The following HEMK2 variants were observed in gnomAD, a reference collection of about 807,000 sequenced individuals.
HEMK2 encodes the protein HemK methyltransferase 2, ETF1 glutamine and histone H4 lysine, also known as methyltransferase HEMK2.
chr21:28,811,260 AAGAAAGAAAG>A, the HEMK2 span, among the ~76,000 whole-genome samples: 13 of 150,686 alleles, frequency 8.6e-5, no homozygotes, highest in African/African-American at 2.9e-4. Flanking sequence ...GAAAGAAAGA[AAGAAAGAAAG>A]AGAAAGAAAG....
chr21:28,619,575 T>C, the HEMK2 span, among the ~76,000 whole-genome samples: 1 of 152,210 alleles, frequency 6.6e-6, no homozygotes, highest in Non-Finnish European at 1.5e-5. Flanking sequence ...CTCTTAGTCT[T>C]TTCTAGGCAT....
chr21:28,654,560 C>T, the HEMK2 span, among the ~76,000 whole-genome samples: 3 of 152,012 alleles, frequency 2.0e-5, no homozygotes, highest in Admixed American at 6.6e-5. Flanking sequence ...TGTTCTCTCC[C>T]GTGGAACTTG....
the HEMK2 span, among the ~76,000 whole-genome samples, chr21:28,690,963 T>G: frequency 6.6e-6 from 1 of 152,188 alleles, no homozygotes; most frequent in Non-Finnish European, 1.5e-5. Context: ...TCCTCTCTAT[T>G]TTCTGCAAAT....
the HEMK2 span, among the ~76,000 whole-genome samples, chr21:28,845,533 CTTCTT>C: frequency 6.6e-6 from 1 of 152,020 alleles, no homozygotes; most frequent in African/African-American, 2.4e-5. Flanking sequence ...TAATGCTTCT[CTTCTT>C]AAGTATTTCT....
At chr21:28,648,287 C>T in the HEMK2 span, among the ~76,000 whole-genome samples, 7 of 152,132 alleles carry the variant, frequency 4.6e-5, no homozygotes, top group Non-Finnish European at 7.4e-5. Flanking sequence ...TGGAAAAATC[C>T]TGAGAGTTAA....
the HEMK2 span, among the ~76,000 whole-genome samples, chr21:28,584,423 T>C: frequency 6.6e-6 from 1 of 152,200 alleles, no homozygotes; most frequent in Non-Finnish European, 1.5e-5. Context: ...TTGAGGAAGA[T>C]AAATAATTAA....
chr21:28,587,390 A>C, the HEMK2 span, among the ~76,000 whole-genome samples: 104,784 of 151,960 alleles, frequency 0.69, 36,466 homozygotes, highest in Middle Eastern at 0.74. Context: ...AATATAATAG[A>C]TTAATTGGTT....
the HEMK2 span, among the ~76,000 whole-genome samples, chr21:28,612,865 T>C: frequency 3.0e-4 from 46 of 152,154 alleles, no homozygotes; most frequent in African/African-American, 1.1e-3. Flanking sequence ...TACTTGGTAA[T>C]ATACTTAATC....
chr21:28,715,488 GTTAT>G, the HEMK2 span, among the ~76,000 whole-genome samples: 3 of 151,938 alleles, frequency 2.0e-5, no homozygotes, highest in Admixed American at 1.3e-4. Flanking sequence ...TTTTAATAGG[GTTAT>G]TTATTTTTTG....
At chr21:28,680,405 A>G in the HEMK2 span, among the ~76,000 whole-genome samples, 1 of 152,228 alleles carries the variant, frequency 6.6e-6, no homozygotes. Context: ...TGAGGCAATA[A>G]TTAATAGTTT....
chr21:28,880,497 C>T, the HEMK2 span, among the ~76,000 whole-genome samples: 5 of 152,036 alleles, frequency 3.3e-5, no homozygotes, highest in Admixed American at 6.6e-5. Context: ...TTTAGGAGGC[C>T]GAGGCGGGCG....
the HEMK2 span, among the ~76,000 whole-genome samples, chr21:28,658,519 C>T: frequency 6.6e-6 from 1 of 152,032 alleles, no homozygotes; most frequent in Non-Finnish European, 1.5e-5. Context: ...GTGCAATTGC[C>T]ATGTTGAAGA....
At chr21:28,879,534 T>G in the HEMK2 span, among the ~76,000 whole-genome samples, 1 of 152,228 alleles carries the variant, frequency 6.6e-6, no homozygotes, top group Non-Finnish European at 1.5e-5. Context: ...GCCATTGCAC[T>G]CGGCCAGTTA....
At chr21:28,718,573 G>T in the HEMK2 span, among the ~76,000 whole-genome samples, 1 of 151,608 alleles carries the variant, frequency 6.6e-6, no homozygotes, top group South Asian at 2.1e-4. Flanking sequence ...AGGTCTAGAA[G>T]TACTTGTTTT....
At chr21:28,748,046 T>A in the HEMK2 span, among the ~76,000 whole-genome samples, 1 of 152,214 alleles carries the variant, frequency 6.6e-6, no homozygotes, top group Non-Finnish European at 1.5e-5. Flanking sequence ...TTCACACTTC[T>A]AAGAGGGAGC....
chr21:28,734,535 G>A, the HEMK2 span, among the ~76,000 whole-genome samples: 1 of 152,152 alleles, frequency 6.6e-6, no homozygotes, highest in Non-Finnish European at 1.5e-5. Context: ...GTTTTTACAT[G>A]AAGTGTAAAA....
At chr21:28,664,233 A>G in the HEMK2 span, among the ~76,000 whole-genome samples, 1 of 152,220 alleles carries the variant, frequency 6.6e-6, no homozygotes, top group Non-Finnish European at 1.5e-5. Flanking sequence ...GCCACATGGA[A>G]TAGACACTTT....
chr21:28,746,134 G>A, the HEMK2 span, among the ~76,000 whole-genome samples: 9 of 151,978 alleles, frequency 5.9e-5, no homozygotes, highest in African/African-American at 1.5e-4. Context: ...CTGATAAAAC[G>A]TTTTGTTTTA....
the HEMK2 span, among the ~76,000 whole-genome samples, chr21:28,683,371 G>T: frequency 6.6e-6 from 1 of 152,132 alleles, no homozygotes; most frequent in African/African-American, 2.4e-5. Flanking sequence ...TGGTAACTGT[G>T]TGCACCCAGC....
Sources: gnomAD v4.1 joint callset for allele counts (sites outside exome capture counted in the v4.1 genomes callset) on GRCh38, gnomAD v4.1.1 for gene constraint, MANE v1.5 for transcripts, NCBI Gene and HGNC (gene_info 2026-07-23, HGNC 2026-07-21) for gene names.